The following OPN3 variants were observed in gnomAD, a reference collection of about 807,000 sequenced individuals.
OPN3 encodes the protein opsin-3.
Under a neutral mutation model 33.8 loss-of-function variants are expected in OPN3, and 29 were observed. The observed-to-expected ratio is 0.86, with a 90% CI of 0.64 to 1.17. The LOEUF (loss-of-function observed/expected upper bound fraction) is 1.17. Among genes scored for constraint, OPN3 ranks in the 50% most tolerant of loss-of-function variants. OPN3 has a pLI of 0.00. For missense variants in OPN3, 437 were observed against 514.1 expected, an observed-to-expected ratio of 0.85 and a Z score of 1.45; for synonymous variants, 216 against 216.1, an observed-to-expected ratio of 1.00 and a Z score of 0.00.
At chr1:241,602,062 C>T (rs942306486) in intron 2 of OPN3, among the ~76,000 whole-genome samples, 1 of 152,148 alleles carries the variant, frequency 6.6e-6, no homozygotes, top group Non-Finnish European at 1.5e-5. Context: ...GAGATGTTAT[C>T]AAGCTTGTGT....
At chr1:241,605,910 A>G (rs1213358274) in intron 1 of OPN3, among the ~76,000 whole-genome samples, 2 of 152,110 alleles carry the variant, frequency 1.3e-5, no homozygotes, top group African/African-American at 4.8e-5. Context: ...AATTTTTTTT[A>G]TTTTTTAACC....
chr1:241,598,176 T>C (rs1383126154), intron 2 of OPN3, among the ~76,000 whole-genome samples, 179 bp from the exon 3 acceptor site: 1 of 152,164 alleles, frequency 6.6e-6, no homozygotes, highest in African/African-American at 2.4e-5. Context: ...AGCTTTAACC[T>C]TGCCGGGCCT....
intron 2 of OPN3, 137 bp from the exon 3 acceptor site, chr1:241,598,134 T>C: frequency 1.0e-6 from 1 of 971,742 alleles, no homozygotes; most frequent in Non-Finnish European, 1.5e-6. Flanking sequence ...CTTGGCAGGC[T>C]GACTTCTGAT....
chr1:241,633,864 T>C (rs1459374705), intron 1 of OPN3: 1 of 1,613,902 alleles, frequency 6.2e-7, no homozygotes. Context: ...AGTTTGGCCA[T>C]TACTACATTA....
intron 1 of OPN3, chr1:241,632,304 T>A (rs1433956096): frequency 1.3e-5 from 2 of 152,426 alleles, no homozygotes; most frequent in Non-Finnish European, 2.9e-5. Flanking sequence ...TAAACCTTTT[T>A]CTTTACAAAT....
rs543139314 is a variant in OPN3, at chr1:241,593,976, C to T, written c.*452G>A. ...CATTCTAGAATTATCTCCTTGATAACTTGATCAGATATAGGACATGACACT... is the reference window on the plus strand; with the variant it reads ...CATTCTAGAATTATCTCCTTGATAATTTGATCAGATATAGGACATGACACT... On this transcript the variant is annotated 3_prime_UTR_variant, in exon 4 of 4. Transcript: ENST00000366554. 1.3e-5 allele frequency: 2 copies of T among 155,412 alleles called. No individual in the cohort carries two copies. The highest frequency in any genetic ancestry group is 4.8e-5 in the African/African-American group (2 of 41,558). 9.6% of individuals were successfully genotyped at this position (155,412 alleles called of 1,614,324 possible).
At chr1:241,637,837 G>C (rs990133577) in intron 1 of OPN3, among the ~76,000 whole-genome samples, 32 of 152,134 alleles carry the variant, frequency 2.1e-4, no homozygotes, top group African/African-American at 7.2e-4. Context: ...CAGACCAATG[G>C]TCTTTCCAAC....
rs531133174 is a variant in OPN3, at chr1:241,607,258, T to C, written c.374-2679A>G. ...GGCTGGGCGTGGTGGCTCACACCTA[T>C]AATCTCAACACTTTGGGAGGCTGAG... is the stretch of plus-strand genomic sequence containing the variant. On this transcript the variant is annotated intron_variant, in intron 1 of 3. Transcript: ENST00000366554. Among the ~76,000 whole-genome samples the C allele has an allele frequency of 2.0e-5, 3 of 152,302 alleles. 1 individual carries two copies. In the East Asian group the frequency reaches 5.8e-4, roughly 29 times the overall value.
intron 1 of OPN3, among the ~76,000 whole-genome samples, chr1:241,611,909 A>G (rs1664012867): frequency 6.6e-6 from 1 of 152,216 alleles, no homozygotes; most frequent in African/African-American, 2.4e-5. Context: ...GTGGAGAAAT[A>G]TGGTTACTGT....
rs150679545 is a variant in OPN3 at position 241,623,817 on chromosome 1, C to T, written c.373+16065G>A. 4.1e-3 allele frequency among the ~76,000 whole-genome samples: 619 copies of T among 152,332 alleles called. 3 individuals carry two copies. The highest frequency in any genetic ancestry group is 6.6e-3 in the Non-Finnish European group (452 of 68,030). Reference sequence around the variant, plus strand: ...CATTCTTTCTCCTTGCCTCCAGTATCCACATCTTTTTCCCAGCCTCCTCTC... The same window carrying T: ...CATTCTTTCTCCTTGCCTCCAGTATTCACATCTTTTTCCCAGCCTCCTCTC... On this transcript the variant is annotated intron_variant, in intron 1 of 3. Coordinates refer to ENST00000366554, the MANE Select transcript of OPN3 (RefSeq NM_014322.3).
chr1:241,625,499 G>C (rs72768038), intron 1 of OPN3, among the ~76,000 whole-genome samples: 5,911 of 152,100 alleles, frequency 0.039, 174 homozygotes, highest in Non-Finnish European at 0.062. Flanking sequence ...CGGTATTTCT[G>C]GATAAAATTA....
chr1:241,606,582 TAAA>T (rs1336752123), intron 1 of OPN3, among the ~76,000 whole-genome samples: 12 of 145,280 alleles, frequency 8.3e-5, no homozygotes, highest in Non-Finnish European at 1.5e-4. Context: ...AATAAATAAA[TAAA>T]TAAAATAAAT....
intron 1 of OPN3, among the ~76,000 whole-genome samples, chr1:241,616,618 T>A (rs1664137876): frequency 6.6e-6 from 1 of 152,006 alleles, no homozygotes; most frequent in African/African-American, 2.4e-5. Flanking sequence ...TACAAGGGAT[T>A]ATTATGTATT....
intron 2 of OPN3, among the ~76,000 whole-genome samples, chr1:241,599,259 T>C (rs1663618333): frequency 6.6e-6 from 1 of 152,000 alleles, no homozygotes; most frequent in Admixed American, 6.6e-5. Context: ...GGTGCAAAAG[T>C]AATTGTGGTT....
At chr1:241,608,188 G>A (rs1384035153) in intron 1 of OPN3, among the ~76,000 whole-genome samples, 2 of 152,140 alleles carry the variant, frequency 1.3e-5, no homozygotes, top group Admixed American at 6.5e-5. Flanking sequence ...GTCTTTCATA[G>A]GCAAGAAAAC....
intron 1 of OPN3, among the ~76,000 whole-genome samples, chr1:241,612,945 T>C (rs1235103075): frequency 6.6e-6 from 1 of 152,192 alleles, no homozygotes; most frequent in Non-Finnish European, 1.5e-5. Context: ...CTCCTCCATC[T>C]CATCGCTCAG....
chr1:241,625,581 T>C (rs1318249564), intron 1 of OPN3, among the ~76,000 whole-genome samples: 2 of 152,180 alleles, frequency 1.3e-5, no homozygotes, highest in African/African-American at 4.8e-5. Flanking sequence ...TATTCTCTCA[T>C]ATTCAAAACT....
At chr1:241,619,433 T>C (rs1419387240) in intron 1 of OPN3, among the ~76,000 whole-genome samples, 1 of 152,190 alleles carries the variant, frequency 6.6e-6, no homozygotes, top group Non-Finnish European at 1.5e-5. Context: ...TTTCTGTACT[T>C]TACTCATTTC....
chr1:241,609,534 G>A (rs2148005669), intron 1 of OPN3, among the ~76,000 whole-genome samples: 1 of 152,334 alleles, frequency 6.6e-6, no homozygotes, highest in Non-Finnish European at 1.5e-5. Flanking sequence ...AGGTCTTTTG[G>A]AGAAACCAGA....
Sources: allele counts gnomAD v4.1 joint callset (sites outside exome capture counted in the v4.1 genomes callset), GRCh38; gene constraint gnomAD v4.1.1; transcripts MANE v1.5; gene names NCBI Gene and HGNC (gene_info 2026-07-23, HGNC 2026-07-21).